COLEC10: variants seen among roughly 807,000 people sequenced by gnomAD.
The protein encoded by COLEC10 is collectin-10.
COLEC10 carries 22 observed loss-of-function variants against 28.4 expected under a neutral mutation model. The observed-to-expected ratio is 0.78, with a 90% confidence interval of 0.55 to 1.11. COLEC10 has a LOEUF of 1.11. Ranked by LOEUF, COLEC10 falls within the 50% of genes least tolerant of loss-of-function variation. The pLI is 0.00. For missense variants in COLEC10, 361 were observed against 344.1 expected (o/e 1.05, Z -0.39); for synonymous variants, 125 against 116.1 (o/e 1.08, Z -0.49).
chr8:118,990,561 C>A (rs1057414787), upstream of COLEC10, among the ~76,000 whole-genome samples: 1 of 152,082 alleles, frequency 6.6e-6, no homozygotes, highest in African/African-American at 2.4e-5. Context: ...CTCCACAAAA[C>A]CTTCAAATAT....
At chr8:119,014,663 T>C (rs1471647756) in intron 2 of COLEC10, among the ~76,000 whole-genome samples, 1 of 150,984 alleles carries the variant, frequency 6.6e-6, no homozygotes, top group Non-Finnish European at 1.5e-5. Flanking sequence ...CTTTTCTCTC[T>C]TTCTTATCCT....
Position 119,067,444 on chromosome 8 carries a change from C to G in COLEC10, c.148+15C>G. On this transcript the variant is annotated intron_variant, in intron 1 of 5. Transcript: ENST00000332843. ...AGGACCCAAAGGTGAGGAAAGAAAA[C>G]CACAATTTTCATGTATAATAAATAT... 2 of 1,610,612 alleles carry G rather than the reference C, an allele frequency of 1.2e-6. No individual in the cohort carries two copies. Among genetic ancestry groups the G allele is most frequent in the African/African-American group, 2.7e-5 (2 of 74,862 alleles).
Position 119,106,249 on chromosome 8 carries a change from T to C in COLEC10, c.*58T>C. ...GTGACCGTCATTACAGTTATTGTTA[T>C]CCATCCTTTTTTTCCTGATTGTACT... is the stretch of plus-strand genomic sequence containing the variant. On this transcript the variant is annotated 3_prime_UTR_variant, in exon 6 of 6. Transcript: ENST00000332843. The C allele has an allele frequency of 6.6e-7, 1 of 1,517,066 alleles. No individual in the cohort carries two copies. Among genetic ancestry groups the C allele is most frequent in the Non-Finnish European group, 8.9e-7 (1 of 1,123,148 alleles). 94.0% of individuals were successfully genotyped at this position (1,517,066 alleles called of 1,614,324 possible).
chr8:119,105,736 T>C, intron 5 of COLEC10, 64 bp from the exon 6 acceptor site: 2 of 1,354,190 alleles, frequency 1.5e-6, no homozygotes, highest in East Asian at 2.4e-5. Context: ...GGCAATATCA[T>C]ATAATTTTGT....
At chr8:119,023,573 A>G (rs1814134679) in intron 2 of COLEC10, among the ~76,000 whole-genome samples, 1 of 152,186 alleles carries the variant, frequency 6.6e-6, no homozygotes, top group South Asian at 2.1e-4. Context: ...AACTATTCAT[A>G]TTAGTTCTTT....
chr8:118,976,343 G>A, the COLEC10 span, among the ~76,000 whole-genome samples: 2 of 152,012 alleles, frequency 1.3e-5, no homozygotes, highest in African/African-American at 4.8e-5. Context: ...TCCTCACTTA[G>A]TTGGGTTGAC....
At chr8:119,057,063 G>T (rs1448114775) in intron 2 of COLEC10, among the ~76,000 whole-genome samples, 1 of 151,926 alleles carries the variant, frequency 6.6e-6, no homozygotes, top group Non-Finnish European at 1.5e-5. Flanking sequence ...ATATGGTTTG[G>T]CTCTGTGTTG....
intron 1 of COLEC10, among the ~76,000 whole-genome samples, chr8:119,078,625 A>G (rs1042983038): frequency 6.6e-6 from 1 of 152,158 alleles, no homozygotes; most frequent in African/African-American, 2.4e-5. Context: ...TTTCTGAGGC[A>G]TTATTTTTCT....
At chr8:118,998,726 A>G (rs559745204) in intron 1 of COLEC10, among the ~76,000 whole-genome samples, 40 of 151,496 alleles carry the variant, frequency 2.6e-4, no homozygotes, top group African/African-American at 7.7e-4. Flanking sequence ...AGGCACCTGT[A>G]GTCCCATCTA....
the COLEC10 span, among the ~76,000 whole-genome samples, chr8:118,976,025 C>A: frequency 2.0e-5 from 3 of 151,986 alleles, no homozygotes; most frequent in Non-Finnish European, 4.4e-5. Context: ...CATCAATTAT[C>A]TTTTGTTGTT....
chr8:119,082,786 T>C (rs753648534), intron 1 of COLEC10, among the ~76,000 whole-genome samples: 9 of 152,250 alleles, frequency 5.9e-5, no homozygotes, highest in Non-Finnish European at 1.3e-4. Flanking sequence ...ATTTTCTTTG[T>C]ATTTACCTTA....
intron 2 of COLEC10, among the ~76,000 whole-genome samples, chr8:119,019,197 A>G (rs573166583): frequency 8.1e-4 from 123 of 152,330 alleles, no homozygotes; most frequent in African/African-American, 2.8e-3. Flanking sequence ...CTCAAAACAC[A>G]TCTCCAGTTT....
upstream of COLEC10, among the ~76,000 whole-genome samples, chr8:118,994,924 A>G (rs1813564691): frequency 6.6e-6 from 1 of 152,172 alleles, no homozygotes; most frequent in Admixed American, 6.6e-5. Context: ...TGACAAAGGG[A>G]CCCTTCACAA....
At chr8:119,078,608 A>G (rs1815302630) in intron 1 of COLEC10, among the ~76,000 whole-genome samples, 1 of 152,196 alleles carries the variant, frequency 6.6e-6, no homozygotes, top group Admixed American at 6.5e-5. Context: ...AATAGATATC[A>G]TAAATATTTC....
chr8:119,049,191 A>G (rs372517790), intron 2 of COLEC10, among the ~76,000 whole-genome samples: 69 of 152,042 alleles, frequency 4.5e-4, no homozygotes, highest in African/African-American at 1.5e-3. Flanking sequence ...TAAAGCTTCT[A>G]CTGAGAGGTC....
chr8:119,027,153 T>C (rs549443256), intron 2 of COLEC10, among the ~76,000 whole-genome samples: 2 of 152,268 alleles, frequency 1.3e-5, no homozygotes, highest in East Asian at 3.9e-4. Flanking sequence ...CTTAAAACAA[T>C]GTCTATCATA....
chr8:119,105,984 T>C lies in COLEC10; in HGVS notation c.627T>C (p.Ile209=). ...VAKSGFFRVF[I]GVNDLEREGQ... ...AGAGTGGCTTCTTTCGGGTGTTCAT[T>C]GGCGTGAATGACCTTGAAAGGGAGG... Residue 209 remains isoleucine (I), a synonymous_variant, in exon 6 of 6, where the codon ATT becomes ATC. Transcript: ENST00000332843. 3.1e-6 allele frequency: 5 copies of C among 1,613,834 alleles called. No homozygotes were observed. The highest frequency in any genetic ancestry group is 4.2e-6 in the Non-Finnish European group (5 of 1,179,890).
chr8:119,063,218 T>C (rs375652617), upstream of COLEC10: 39 of 152,346 alleles, frequency 2.6e-4, no homozygotes, highest in East Asian at 4.4e-3. Flanking sequence ...GCAAATGTTT[T>C]GATGTGTCAT....
intron 2 of COLEC10, 138 bp from the exon 3 acceptor site, chr8:119,091,011 T>A: frequency 1.4e-6 from 1 of 698,236 alleles, no homozygotes; most frequent in Non-Finnish European, 2.5e-6. Flanking sequence ...AACTAGACAA[T>A]ATAGCATGGG....
Sources: allele counts gnomAD v4.1 joint callset (sites outside exome capture counted in the v4.1 genomes callset), GRCh38; gene constraint gnomAD v4.1.1; transcripts MANE v1.5; gene names NCBI Gene and HGNC (gene_info 2026-07-23, HGNC 2026-07-21).